Variants in HPSE observed in about 807,000 individuals in gnomAD.
The protein encoded by HPSE is heparanase.
In HPSE, 48 loss-of-function variants were observed where a neutral mutation model predicts 65.1. That is an observed-to-expected ratio of 0.74 (90% CI 0.58 to 0.94). HPSE has a LOEUF of 0.94. Ranked by LOEUF, HPSE falls within the 40% of genes least tolerant of loss-of-function variation. The pLI is 0.00. For missense variants in HPSE, 644 were observed against 637.5 expected (o/e 1.01, Z -0.11); for synonymous variants, 243 against 260.0 (o/e 0.93, Z 0.63).
At chr4:83,309,008 C>A in intron 7 of HPSE, 57 bp from the exon 8 acceptor site, 1 of 1,391,534 alleles carries the variant, frequency 7.2e-7, no homozygotes, top group South Asian at 1.2e-5. Context: ...GTGGTTTCAA[C>A]TGTGGTGTTG....
Position 83,334,716 on chromosome 4 carries a change from G to A in HPSE, c.67C>T (p.Pro23Ser), listed in dbSNP as rs1737547129. The A allele has an allele frequency of 2.6e-6, 4 of 1,565,662 alleles. No individual in the cohort carries two copies. The highest frequency in any genetic ancestry group is 3.5e-6 in the Non-Finnish European group (4 of 1,154,962). Residue 23 changes from proline (P) to serine (S), a missense_variant, in exon 1 of 12, where the codon CCC becomes TCC. By Grantham distance (74) the Pro-to-Ser change is moderately conservative (BLOSUM62 -1). Transcript: ENST00000311412. ...LMLLLLGPLG[P>S]LSPGALPRPA... ...CGGGGCAGGGCGCCAGGGGAGAGGG[G>A]ACCCAGCGGCCCCAGGAGCAGCAGC... is the stretch of plus-strand genomic sequence containing the variant.
At chr4:83,311,863 C>T (rs552109958) in intron 4 of HPSE, among the ~76,000 whole-genome samples, 86 of 151,184 alleles carry the variant, frequency 5.7e-4, no homozygotes, top group Middle Eastern at 7.0e-3. Flanking sequence ...CCCATTTAAT[C>T]CTTATTTCCA....
Position 83,294,853 on chromosome 4 carries a change from G to A in HPSE, c.*491C>T, listed in dbSNP as rs1346615736. On this transcript the variant is annotated 3_prime_UTR_variant, in exon 12 of 12. Transcript: ENST00000311412. The stretch of plus-strand genomic sequence containing the variant: ...GTGGATCACTTGAGGACAGGAGTTC[G>A]AGGACAGGAGTTCGAGACCAGCTTG... 1 of 152,208 alleles carries A rather than the reference G, an allele frequency of 6.6e-6. No individual in the cohort carries two copies. The highest frequency in any genetic ancestry group is 1.5e-5 in the Non-Finnish European group (1 of 68,112). The allele number at this position is 152,208 out of a possible 1,614,324, so 9.4% of individuals were successfully genotyped here.
At chr4:83,332,464 C>T (rs896174330) in intron 1 of HPSE, among the ~76,000 whole-genome samples, 6 of 152,198 alleles carry the variant, frequency 3.9e-5, no homozygotes, top group African/African-American at 7.2e-5. Flanking sequence ...AGACAGCAGC[C>T]AGCCTTGGAG....
chr4:83,300,814 CAA>C (rs746396316), intron 11 of HPSE, 144 bp downstream of exon 11: 15 of 8,424 alleles, frequency 1.8e-3, no homozygotes, highest in South Asian at 0.029. Context: ...GACTCCGTCT[CAA>C]AAAAAAAAAA....
chr4:83,317,820 C>A (rs1047457930), intron 3 of HPSE, among the ~76,000 whole-genome samples: 3 of 152,142 alleles, frequency 2.0e-5, no homozygotes, highest in Non-Finnish European at 2.9e-5. Flanking sequence ...TGATTTATTA[C>A]AAATGTGGCC....
In HPSE at chr4:83,306,290, G is replaced by T. The variant is rs1220034962; in HGVS notation, c.1119C>A (p.Ala373=). ...FMWLDKLGLS[A]RMGIEVVMRQ... is the part of the protein sequence containing the mutation. ...TCATCACCACTTCTATTCCCATTCG[G>T]GCTGACAGGCCCAATTTATCCAGCC... The change falls in exon 9 of 12, where the codon GCC becomes GCA. Residue 373 remains alanine, a synonymous_variant. Transcript: ENST00000311412. 1 of 1,613,186 alleles carries T rather than the reference G, an allele frequency of 6.2e-7. No individual in the cohort carries two copies. Among genetic ancestry groups the T allele is most frequent in the Admixed American group, 1.7e-5 (1 of 60,014 alleles).
chr4:83,305,514 C>A (rs1736117061), intron 9 of HPSE, among the ~76,000 whole-genome samples: 1 of 152,132 alleles, frequency 6.6e-6, no homozygotes, highest in Non-Finnish European at 1.5e-5. Flanking sequence ...TCAAATAATT[C>A]TTTTAGGAAT....
At chr4:83,314,811 T>G (rs1736563487) in intron 3 of HPSE, among the ~76,000 whole-genome samples, 1 of 152,200 alleles carries the variant, frequency 6.6e-6, no homozygotes, top group African/African-American at 2.4e-5. Context: ...TTTGTTTTGT[T>G]TCTAAGTCTT....
chr4:83,315,644 TATA>T (rs1231371479), intron 3 of HPSE, among the ~76,000 whole-genome samples: 4 of 152,164 alleles, frequency 2.6e-5, no homozygotes, highest in African/African-American at 9.7e-5. Context: ...ACTTATAGAC[TATA>T]ATATGAACAG....
At chr4:83,310,955 A>G (rs1247961425) in intron 4 of HPSE, 65 bp from the exon 5 acceptor site, 3 of 1,217,238 alleles carry the variant, frequency 2.5e-6, no homozygotes, top group Non-Finnish European at 3.5e-6. Context: ...AACATATAGC[A>G]GTATTTAAAA....
intron 8 of HPSE, 90 bp from the exon 9 acceptor site, chr4:83,306,407 T>G: frequency 1.5e-6 from 1 of 657,322 alleles, no homozygotes; most frequent in Non-Finnish European, 2.7e-6. Flanking sequence ...ATTTATGTAT[T>G]TATTTATTTA....
At position 83,306,384 on chromosome 4, in the gene HPSE, C is replaced by T. The variant is rs1736149504; in HGVS notation, c.1092-67G>A. On this transcript the variant is annotated intron_variant, in intron 8 of 11. Transcript: ENST00000311412. ...AAAATCGCTCAATTCTAATTGCACA[C>T]CATCTTGATTTTATTTATGTATTTA... The T allele has an allele frequency of 6.6e-6, 5 of 762,180 alleles. No individual in the cohort carries two copies. The South Asian group carries it at 7.8e-5, about 12-fold the overall frequency. 47.2% of individuals were successfully genotyped at this position (762,180 alleles called of 1,614,324 possible).
intron 1 of HPSE, among the ~76,000 whole-genome samples, chr4:83,327,156 A>ACTAT (rs1737187883): frequency 1.3e-5 from 2 of 152,224 alleles, no homozygotes; most frequent in South Asian, 4.1e-4. Flanking sequence ...CTAGATAAGT[A>ACTAT]CTTGGCACAC....
intron 1 of HPSE, among the ~76,000 whole-genome samples, 194 bp from the exon 2 acceptor site, chr4:83,322,558 T>C (rs767713221): frequency 3.6e-4 from 54 of 152,054 alleles, no homozygotes; most frequent in Non-Finnish European, 6.8e-4. Context: ...AGTGGCGCGA[T>C]CTCACTTCAC....
chr4:83,307,436 C>T (rs1736184148), intron 8 of HPSE, among the ~76,000 whole-genome samples: 1 of 151,692 alleles, frequency 6.6e-6, no homozygotes, highest in South Asian at 2.1e-4. Context: ...AGCAGAATCC[C>T]TCCCTTTACA....
intron 1 of HPSE, among the ~76,000 whole-genome samples, chr4:83,331,031 C>G (rs553544797): frequency 6.6e-6 from 1 of 151,826 alleles, no homozygotes; most frequent in African/African-American, 2.4e-5. Flanking sequence ...ATGGTGAAAC[C>G]CTGTCTCTAC....
At chr4:83,334,170 A>G (rs189587599) in intron 1 of HPSE, among the ~76,000 whole-genome samples, 1 of 152,284 alleles carries the variant, frequency 6.6e-6, no homozygotes, top group East Asian at 1.9e-4. Flanking sequence ...ACTTAGTGGA[A>G]TAGTAGACAC....
chr4:83,322,789 TTGTGTGTGTGTGTGTG>T lies in HPSE; in HGVS notation c.228-441_228-426del, dbSNP rs386400677. Among the ~76,000 whole-genome samples the T allele has an allele frequency of 1.3e-3, 139 of 104,062 alleles. No individual in the cohort carries two copies. In the Middle Eastern group the frequency reaches 0.015, roughly 11 times the overall value. 68.3% of individuals were successfully genotyped at this position (104,062 alleles called of 152,430 possible). ...AGCTCTAATTCTGGCAAGAGCTTGT[TTGTGTGTGTGTGTGTG>T]TGTGTGTGTGTGTGTGTGTGTGTGT... On this transcript the variant is annotated intron_variant, in intron 1 of 11. Coordinates refer to ENST00000311412, the MANE Select transcript of HPSE (RefSeq NM_001098540.3).
Sources: gnomAD v4.1 joint callset for allele counts (sites outside exome capture counted in the v4.1 genomes callset) on GRCh38, gnomAD v4.1.1 for gene constraint, MANE v1.5 for transcripts, NCBI Gene and HGNC (gene_info 2026-07-23, HGNC 2026-07-21) for gene names.